The following IKZF5 variants were observed in gnomAD, a reference collection of about 807,000 sequenced individuals.
IKZF5 encodes IKAROS family zinc finger 5, also known as zinc finger protein Pegasus.
A neutral mutation model predicts 30.7 loss-of-function variants in IKZF5; 4 were observed. The ratio of observed to expected loss-of-function variants is 0.13; its 90% confidence interval spans 0.06 to 0.30. The LOEUF (loss-of-function observed/expected upper bound fraction) is 0.30. Ranked by LOEUF, IKZF5 falls within the 10% of genes least tolerant of loss-of-function variation. The pLI, the probability that IKZF5 is intolerant of heterozygous loss-of-function variation, is 1.00. For synonymous variants in IKZF5, 148 were observed against 179.6 expected (o/e 0.82, Z 1.41); for missense variants, 348 against 525.5 (o/e 0.66, Z 3.30).
In IKZF5 at chr10:122,995,270, T is replaced by A. The variant is rs546837936; in HGVS notation, c.317-547A>T. On this transcript the variant is annotated intron_variant, in intron 4 of 4. Coordinates refer to ENST00000368886, the MANE Select transcript of IKZF5 (RefSeq NM_001372123.1). ...AAATTGCTAGTGCTTCTCCTCCATC[T>A]TCCTACTCTTCAGCTGCCAGAAGGA... is the stretch of plus-strand genomic sequence containing the variant. Among the ~76,000 whole-genome samples the A allele has an allele frequency of 2.6e-5, 4 of 152,354 alleles. No homozygotes were observed. The East Asian group carries it at 7.7e-4, about 29-fold the overall frequency.
intron 2 of IKZF5, among the ~76,000 whole-genome samples, chr10:123,000,190 G>A (rs530590974): frequency 2.6e-5 from 4 of 152,282 alleles, no homozygotes; most frequent in South Asian, 2.1e-4. Flanking sequence ...GAAGGATGCC[G>A]GCATCCCAGA....
chr10:122,999,546 A>G (rs559995415), intron 2 of IKZF5, among the ~76,000 whole-genome samples: 28 of 152,354 alleles, frequency 1.8e-4, no homozygotes, highest in Admixed American at 9.8e-4. Context: ...CACAGACAGT[A>G]TGTAAACAAA....
rs1039870992 is a variant in IKZF5, at chr10:122,991,387, T to C, written c.*2393A>G. On this transcript the variant is annotated 3_prime_UTR_variant, in exon 5 of 5. Transcript: ENST00000368886. ...TACCAACTTTAAAAATCTAAACTTA[T>C]GTTCACTGAACAAAAATAAATTTAG... is the stretch of plus-strand genomic sequence containing the variant. The C allele has an allele frequency of 3.0e-4, 46 of 152,214 alleles. No homozygotes were observed. The highest frequency in any genetic ancestry group is 9.6e-4 in the African/African-American group (40 of 41,466). 9.4% of individuals were successfully genotyped at this position (152,214 alleles called of 1,614,324 possible).
chr10:123,001,947 T>C (rs377546566), intron 2 of IKZF5, among the ~76,000 whole-genome samples: 5 of 152,346 alleles, frequency 3.3e-5, no homozygotes, highest in African/African-American at 1.2e-4. Context: ...CTACTGGAAA[T>C]AGACCAACAT....
At chr10:123,008,086 C>T (rs1210052411) in intron 1 of IKZF5, among the ~76,000 whole-genome samples, 1 of 152,106 alleles carries the variant, frequency 6.6e-6, no homozygotes, top group Non-Finnish European at 1.5e-5. Flanking sequence ...GATCTAAACC[C>T]CGAATGAACC....
Position 123,008,730 on chromosome 10 carries a change from G to A in IKZF5, c.-234C>T. 3.5e-6 allele frequency: 2 copies of A among 572,574 alleles called. No homozygotes were observed. The highest frequency in any genetic ancestry group is 6.3e-6 in the Non-Finnish European group (2 of 318,782). 35.5% of individuals were successfully genotyped at this position (572,574 alleles called of 1,614,324 possible). On this transcript the variant is annotated 5_prime_UTR_variant, in exon 1 of 5. Coordinates refer to ENST00000368886, the MANE Select transcript of IKZF5 (RefSeq NM_001372123.1). Reference sequence around the variant, plus strand: ...TGCATGGAGTAAACCACACCGCCTTGTTAAATGCCGTCGCCGCCGCCGCCG... The same window carrying A: ...TGCATGGAGTAAACCACACCGCCTTATTAAATGCCGTCGCCGCCGCCGCCG...
intron 2 of IKZF5, among the ~76,000 whole-genome samples, chr10:123,006,420 C>A (rs1302838061): frequency 6.6e-6 from 1 of 152,204 alleles, no homozygotes; most frequent in African/African-American, 2.4e-5. Context: ...GCACCCCCCC[C>A]AGCCTCTTAA....
intron 2 of IKZF5, among the ~76,000 whole-genome samples, chr10:123,003,222 G>A (rs1248069201): frequency 1.7e-5 from 2 of 118,160 alleles, no homozygotes; most frequent in Admixed American, 9.4e-5. Flanking sequence ...TTAGTAGAGA[G>A]GGGGTTTCAC....
rs1564734848 is a variant in IKZF5 at position 122,993,471 on chromosome 10, T to C, written c.*309A>G. The C allele has an allele frequency of 5.1e-6, 1 of 196,364 alleles. No individual in the cohort carries two copies. Among genetic ancestry groups the C allele is most frequent in the Non-Finnish European group, 1.0e-5 (1 of 96,854 alleles). 12.2% of individuals were successfully genotyped at this position (196,364 alleles called of 1,614,324 possible). A position where few individuals can be genotyped will look rare whatever the true frequency, so the allele number is the denominator to read the frequency against. ...AAGTATGGATAAGCCTTGAAGTTTT[T>C]ATGGACCATAAATGTGAGAAATTCA... On this transcript the variant is annotated 3_prime_UTR_variant, in exon 5 of 5. Transcript: ENST00000368886.
intron 2 of IKZF5, among the ~76,000 whole-genome samples, chr10:122,999,523 G>A (rs1849508020): frequency 6.6e-6 from 1 of 152,364 alleles, no homozygotes; most frequent in African/African-American, 2.4e-5. Context: ...AGAAGCCACA[G>A]ACAATAGGCA....
In IKZF5 at chr10:122,994,794, C is replaced by G; in HGVS notation, c.317-71G>C. 1 of 1,176,936 alleles carries G rather than the reference C, an allele frequency of 8.5e-7. No homozygotes were observed. The highest frequency in any genetic ancestry group is 1.2e-6 in the Non-Finnish European group (1 of 829,326). 72.9% of individuals were successfully genotyped at this position (1,176,936 alleles called of 1,614,324 possible). On this transcript the variant is annotated intron_variant, in intron 4 of 4. Coordinates refer to ENST00000368886, the MANE Select transcript of IKZF5 (RefSeq NM_001372123.1). This position sits in a 1 kb window ranked among gnomAD's most constrained non-coding sequence, Gnocchi z 5.6. The stretch of plus-strand genomic sequence containing the variant: ...TTATGGAAAGTTTTGCTTGTCCATT[C>G]ATTGGACAACTGGAAATTGATCAAA...
At chr10:122,996,286 A>C in intron 3 of IKZF5, 110 bp from the exon 4 acceptor site, 1 of 872,840 alleles carries the variant, frequency 1.1e-6, no homozygotes, top group Non-Finnish European at 1.7e-6. Flanking sequence ...CACTTCTCAC[A>C]AAAGTTAAGT....
chr10:122,998,423 G>A (rs905721379), intron 3 of IKZF5, 70 bp downstream of exon 3: 3 of 1,329,092 alleles, frequency 2.3e-6, no homozygotes, highest in Admixed American at 4.2e-5. Context: ...GGTCTTCACA[G>A]TAACAGCTAC....
Position 122,998,687 on chromosome 10 carries a change from A to G in IKZF5, c.-46-16T>C, listed in dbSNP as rs776071988. On this transcript the variant is annotated splice_polypyrimidine_tract_variant and intron_variant, in intron 2 of 4. Coordinates refer to ENST00000368886, the MANE Select transcript of IKZF5 (RefSeq NM_001372123.1). ...GAAAACAAAACTGAAACAATTTTAC[A>G]CTATTTAGGGAGATCTAGTACATAG... 34 of 1,459,118 alleles carry G rather than the reference A, an allele frequency of 2.3e-5. No individual in the cohort carries two copies. The highest frequency in any genetic ancestry group is 3.1e-5 in the Non-Finnish European group (33 of 1,048,780). 90.4% of individuals were successfully genotyped at this position (1,459,118 alleles called of 1,614,324 possible).
In IKZF5 at chr10:122,995,171, A is replaced by G. The variant is rs530172305; in HGVS notation, c.317-448T>C. Among the ~76,000 whole-genome samples, 5 of 152,310 alleles carry G rather than the reference A, an allele frequency of 3.3e-5. No individual in the cohort carries two copies. In the East Asian group the frequency reaches 9.6e-4, roughly 29 times the overall value. On this transcript the variant is annotated intron_variant, in intron 4 of 4. Coordinates refer to ENST00000368886, the MANE Select transcript of IKZF5 (RefSeq NM_001372123.1). ...AAAAATACAAAAAAAGCTTTTTTTA[A>G]AGTCCTTATATGAAATAGAAAGCTC...
At chr10:122,999,215 T>A (rs1434352792) in intron 2 of IKZF5, among the ~76,000 whole-genome samples, 2 of 152,194 alleles carry the variant, frequency 1.3e-5, no homozygotes, top group Non-Finnish European at 2.9e-5. Flanking sequence ...ATGTTTCTTA[T>A]CTGTGCTATT....
intron 3 of IKZF5, chr10:122,997,018 G>A (rs1472564233): frequency 6.6e-6 from 1 of 152,208 alleles, no homozygotes; most frequent in Non-Finnish European, 1.5e-5. Context: ...ATAAAGGAAA[G>A]TATCGTCCCT....
chr10:122,994,266 T>C lies in IKZF5; in HGVS notation c.774A>G (p.Leu258=), dbSNP rs1337711040. The change falls in exon 5 of 5, where the codon CTA becomes CTG. Residue 258 remains leucine, a synonymous_variant. Coordinates refer to ENST00000368886, the MANE Select transcript of IKZF5 (RefSeq NM_001372123.1). The surrounding 1 kb of genome is among the most constrained non-coding windows in gnomAD (Gnocchi z 5.6). ...VDNPLNQLST[L]AGQLSSLPPE... ...GTGGCAGACTGGACAACTGCCCTGC[T>C]AGAGTCGAGAGCTGATTCAAAGGGT... 5.6e-6 allele frequency: 9 copies of C among 1,613,882 alleles called. No individual in the cohort carries two copies. Among genetic ancestry groups the C allele is most frequent in the East Asian group, 4.5e-5 (2 of 44,880 alleles).
At chr10:123,003,701 C>G (rs1189225472) in intron 2 of IKZF5, among the ~76,000 whole-genome samples, 1 of 152,130 alleles carries the variant, frequency 6.6e-6, no homozygotes, top group African/African-American at 2.4e-5. Flanking sequence ...TTCTCACCAC[C>G]CCTGATTCCG....
Sources: allele counts gnomAD v4.1 joint callset (sites outside exome capture counted in the v4.1 genomes callset), GRCh38; gene constraint gnomAD v4.1.1; non-coding constraint Gnocchi (gnomAD v3.1); transcripts MANE v1.5; gene names NCBI Gene and HGNC (gene_info 2026-07-23, HGNC 2026-07-21).